The following FHOD3 variants were observed in gnomAD, a reference collection of about 807,000 sequenced individuals.
The protein encoded by FHOD3 is FH1/FH2 domain-containing protein 3.
A neutral mutation model predicts 173.0 loss-of-function variants in FHOD3; 90 were observed. The observed-to-expected ratio is 0.52, with a 90% CI of 0.44 to 0.62. The LOEUF (loss-of-function observed/expected upper bound fraction) is 0.62. Among genes scored for constraint, FHOD3 ranks in the 20% least tolerant of loss-of-function variants. The pLI is 0.00. For missense variants in FHOD3, 1,945 were observed against 2,034.7 expected, an observed-to-expected ratio of 0.96 and a Z score of 0.85; for synonymous variants, 828 against 823.0, an observed-to-expected ratio of 1.01 and a Z score of -0.10.
intron 5 of FHOD3, among the ~76,000 whole-genome samples, chr18:36,541,469 A>T (rs1485151985): frequency 6.6e-6 from 1 of 152,030 alleles, no homozygotes; most frequent in East Asian, 1.9e-4. Flanking sequence ...AGGCACCAGG[A>T]TCCCTTGAGC....
intron 10 of FHOD3, among the ~76,000 whole-genome samples, chr18:36,648,607 T>A (rs1336727505): frequency 6.6e-6 from 1 of 152,170 alleles, no homozygotes; most frequent in Non-Finnish European, 1.5e-5. Context: ...TTTCTCCCAG[T>A]TTCAACTATG....
Position 36,456,069 on chromosome 18 carries a change from C to T in FHOD3, c.338-45863C>T, listed in dbSNP as rs200474216. Among the ~76,000 whole-genome samples the T allele has an allele frequency of 3.0e-4, 46 of 152,190 alleles. 1 individual carries two copies. Among genetic ancestry groups the T allele is most frequent in the Admixed American group, 1.6e-3 (24 of 15,294 alleles). On this transcript the variant is annotated intron_variant, in intron 3 of 28. Coordinates refer to ENST00000590592, the MANE Select transcript of FHOD3 (RefSeq NM_001281740.3). ...CCATCCCCTAGGGCTTGTACTTTTC[C>T]GATGTTTTCCAGACCCCCTGTGAAG...
chr18:36,616,639 C>T (rs2033229313), intron 9 of FHOD3, among the ~76,000 whole-genome samples: 1 of 152,182 alleles, frequency 6.6e-6, no homozygotes, highest in Admixed American at 6.5e-5. Flanking sequence ...ATACCATGTA[C>T]CAGCTTTAAG....
Position 36,445,494 on chromosome 18 carries a change from C to T in FHOD3, c.338-56438C>T, listed in dbSNP as rs139878664. ...GGAAAGTACTTTTCATGGTGTTTGG[C>T]GGGGTCGATGTGGTTGGACTGAGGA... On this transcript the variant is annotated intron_variant, in intron 3 of 28. Coordinates refer to ENST00000590592, the MANE Select transcript of FHOD3 (RefSeq NM_001281740.3). 8.3e-4 allele frequency among the ~76,000 whole-genome samples: 126 copies of T among 152,116 alleles called. No individual in the cohort carries two copies. In the East Asian group the frequency reaches 0.021, roughly 25 times the overall value.
At chr18:36,679,672 C>G (rs2038104458) in intron 14 of FHOD3, among the ~76,000 whole-genome samples, 1 of 151,218 alleles carries the variant, frequency 6.6e-6, no homozygotes, top group African/African-American at 2.4e-5. Context: ...TTTAGTTTTT[C>G]CAATTATATG....
intron 3 of FHOD3, among the ~76,000 whole-genome samples, chr18:36,391,720 A>G (rs1431917284): frequency 6.6e-6 from 1 of 152,094 alleles, no homozygotes; most frequent in Non-Finnish European, 1.5e-5. Flanking sequence ...ATGGTTGGTC[A>G]TCGTGTGCAC....
chr18:36,706,139 C>A (rs749586746), intron 17 of FHOD3, among the ~76,000 whole-genome samples: 93 of 152,152 alleles, frequency 6.1e-4, no homozygotes, highest in Non-Finnish European at 1.3e-3. Context: ...ACGCTGGCCC[C>A]AGGACCACGC....
At chr18:36,721,476 A>G (rs1246258077) in intron 19 of FHOD3, among the ~76,000 whole-genome samples, 1 of 152,124 alleles carries the variant, frequency 6.6e-6, no homozygotes, top group African/African-American at 2.4e-5. Context: ...CCCCATCTCT[A>G]TAAAATGTAC....
intron 3 of FHOD3, among the ~76,000 whole-genome samples, chr18:36,448,513 G>A (rs1456456984): frequency 6.6e-6 from 1 of 152,152 alleles, no homozygotes; most frequent in Admixed American, 6.5e-5. Flanking sequence ...GGACAGTGGT[G>A]GGTTGCATCT....
chr18:36,698,638 T>C (rs2039415171), intron 17 of FHOD3, among the ~76,000 whole-genome samples: 1 of 152,130 alleles, frequency 6.6e-6, no homozygotes, highest in African/African-American at 2.4e-5. Context: ...AAATTATTAT[T>C]TCCTAGGCAG....
At chr18:36,445,845 CA>C (rs1348556284) in intron 3 of FHOD3, among the ~76,000 whole-genome samples, 1 of 152,186 alleles carries the variant, frequency 6.6e-6, no homozygotes, top group African/African-American at 2.4e-5. Flanking sequence ...CAGCCACAGC[CA>C]TCAGGGTTAT....
chr18:36,574,628 A>AT (rs978950596), intron 5 of FHOD3, among the ~76,000 whole-genome samples: 1 of 152,008 alleles, frequency 6.6e-6, no homozygotes, highest in African/African-American at 2.4e-5. Flanking sequence ...AATTCTGTGA[A>AT]TTTTTTTATT....
chr18:36,351,289 G>A (rs2046112609), intron 1 of FHOD3, among the ~76,000 whole-genome samples: 1 of 152,250 alleles, frequency 6.6e-6, no homozygotes, highest in South Asian at 2.1e-4. Context: ...GGATGGGCCT[G>A]CCCACCCATT....
chr18:36,779,596 C>T lies in FHOD3; in HGVS notation c.*66C>T, dbSNP rs1167084281. On this transcript the variant is annotated 3_prime_UTR_variant, in exon 29 of 29. Transcript: ENST00000590592. Reference sequence around the variant, plus strand: ...AAGCTCTTGCTGGATGAAACCCCTCCAGGTGGGGTTGGGGAGACTTGATAT... The same window carrying T: ...AAGCTCTTGCTGGATGAAACCCCTCTAGGTGGGGTTGGGGAGACTTGATAT... 7 of 1,441,942 alleles carry T rather than the reference C, an allele frequency of 4.9e-6. No individual in the cohort carries two copies. The African/African-American group carries it at 9.8e-5, about 20-fold the overall frequency. 89.3% of individuals were successfully genotyped at this position (1,441,942 alleles called of 1,614,324 possible).
intron 1 of FHOD3, among the ~76,000 whole-genome samples, chr18:36,335,784 C>G (rs926494357): frequency 2.6e-5 from 4 of 152,124 alleles, no homozygotes; most frequent in African/African-American, 9.7e-5. Context: ...AACTTGGGTG[C>G]CCCTGTGCTG....
intron 6 of FHOD3, among the ~76,000 whole-genome samples, chr18:36,586,770 G>A (rs1353102083): frequency 2.0e-5 from 3 of 152,126 alleles, no homozygotes; most frequent in Admixed American, 6.5e-5. Flanking sequence ...ATGAGCCACC[G>A]TGCCTGGCCG....
Position 36,512,519 on chromosome 18 carries a change from A to T in FHOD3, c.487A>T (p.Asn163Tyr). 1 of 1,613,926 alleles carries T rather than the reference A, an allele frequency of 6.2e-7. No individual in the cohort carries two copies. Among genetic ancestry groups the T allele is most frequent in the East Asian group, 2.2e-5 (1 of 44,876 alleles). The change falls in exon 5 of 29, where the codon AAC (asparagine) becomes TAC (tyrosine). Residue 163 changes from asparagine (N) to tyrosine (Y), a missense_variant. By Grantham distance (143) the Asn-to-Tyr change is moderately radical. Transcript: ENST00000590592. ...CAAGGTGGGAGCTGAGGCTGATCAG[A>T]ACTATCAGAACTACATCTTAAGGGG... ...LIKVGAEADQNYQNYILRALG... is the reference protein window; with the variant it reads ...LIKVGAEADQYYQNYILRALG...
chr18:36,734,669 T>A (rs1004506013), intron 20 of FHOD3, among the ~76,000 whole-genome samples: 4 of 152,158 alleles, frequency 2.6e-5, no homozygotes, highest in Admixed American at 2.6e-4. Flanking sequence ...ACCCAGAGCT[T>A]GTTCTCTAGG....
At position 36,303,936 on chromosome 18, in the gene FHOD3, A is replaced by T. The variant is rs538228129; in HGVS notation, c.165+5936A>T. ...GAACTAAGTTAGAAAGAATGGGGAA[A>T]ATTAAGTTACAGTGAATGTTAAGCT... On this transcript the variant is annotated intron_variant, in intron 1 of 28. Coordinates refer to ENST00000590592, the MANE Select transcript of FHOD3 (RefSeq NM_001281740.3). Among the ~76,000 whole-genome samples, 112 of 152,284 alleles carry T rather than the reference A, an allele frequency of 7.4e-4. 1 individual carries two copies. The highest frequency in any genetic ancestry group is 2.7e-3 in the African/African-American group (111 of 41,554).
Sources: allele counts gnomAD v4.1 joint callset (sites outside exome capture counted in the v4.1 genomes callset), GRCh38; gene constraint gnomAD v4.1.1; transcripts MANE v1.5; gene names NCBI Gene and HGNC (gene_info 2026-07-23, HGNC 2026-07-21).